Variants in STPG2 observed in about 807,000 individuals in gnomAD.
STPG2 encodes the protein sperm tail PG-rich repeat containing 2.
In STPG2, 56 loss-of-function variants were observed where a neutral mutation model predicts 54.2. The ratio of observed to expected loss-of-function variants is 1.03; its 90% confidence interval spans 0.83 to 1.29. The LOEUF (loss-of-function observed/expected upper bound fraction) is 1.29. Among genes scored for constraint, STPG2 ranks in the 50% most tolerant of loss-of-function variants. STPG2 has a pLI of 0.00. For missense variants in STPG2, 596 were observed against 544.9 expected, an observed-to-expected ratio of 1.09 and a Z score of -0.93; for synonymous variants, 200 against 181.8, an observed-to-expected ratio of 1.10 and a Z score of -0.81.
chr4:97,678,814 C>T (rs560769507), intron 10 of STPG2, among the ~76,000 whole-genome samples: 2 of 147,460 alleles, frequency 1.4e-5, no homozygotes, highest in African/African-American at 5.0e-5. Context: ...TGTGATGTTC[C>T]CCTTCCTGTG....
At chr4:98,030,868 A>G (rs4699584) in intron 5 of STPG2, among the ~76,000 whole-genome samples, 59,934 of 151,956 alleles carry the variant, frequency 0.39, 12,056 homozygotes, top group Middle Eastern at 0.46. Context: ...TTCTTTACAC[A>G]ATGTACAAAA....
At chr4:97,614,446 A>C (rs1405558779) in intron 10 of STPG2, among the ~76,000 whole-genome samples, 1 of 152,110 alleles carries the variant, frequency 6.6e-6, no homozygotes, top group African/African-American at 2.4e-5. Flanking sequence ...TCTCTGGTGA[A>C]GCTTTCCCAG....
intron 8 of STPG2, among the ~76,000 whole-genome samples, chr4:97,910,982 C>T (rs1433434829): frequency 6.6e-6 from 1 of 152,150 alleles, no homozygotes; most frequent in Non-Finnish European, 1.5e-5. Flanking sequence ...ACTACGCAAT[C>T]GGCGTGACCC....
intron 8 of STPG2, among the ~76,000 whole-genome samples, chr4:97,904,005 C>G (rs988338027): frequency 6.6e-6 from 1 of 152,216 alleles, no homozygotes; most frequent in Non-Finnish European, 1.5e-5. Flanking sequence ...AACTGCAAGG[C>G]AGCAGCGAGG....
chr4:97,775,824 C>G (rs1319216851), intron 9 of STPG2, among the ~76,000 whole-genome samples: 1 of 152,176 alleles, frequency 6.6e-6, no homozygotes, highest in Non-Finnish European at 1.5e-5. Flanking sequence ...TTCAGTGGCA[C>G]AGTCTTGGCT....
intron 10 of STPG2, among the ~76,000 whole-genome samples, chr4:97,704,078 A>C (rs1054243730): frequency 6.6e-6 from 1 of 152,004 alleles, no homozygotes; most frequent in Non-Finnish European, 1.5e-5. Flanking sequence ...GATGGTACCC[A>C]CCCAGATTAA....
chr4:97,654,860 C>A (rs1722177539), intron 10 of STPG2, among the ~76,000 whole-genome samples: 1 of 151,782 alleles, frequency 6.6e-6, no homozygotes, highest in South Asian at 2.1e-4. Flanking sequence ...TACATAAATA[C>A]TGTACAGATT....
At chr4:97,993,760 G>A (rs1196550087) in intron 5 of STPG2, among the ~76,000 whole-genome samples, 1 of 151,940 alleles carries the variant, frequency 6.6e-6, no homozygotes, top group East Asian at 1.9e-4. Context: ...TTTCAATCTT[G>A]CTGCTTGTTA....
intron 5 of STPG2, among the ~76,000 whole-genome samples, chr4:98,068,079 C>A (rs1228735996): frequency 1.3e-5 from 2 of 152,010 alleles, no homozygotes; most frequent in African/African-American, 4.8e-5. Flanking sequence ...CTTTTGTATA[C>A]CTCCTTTTTG....
At chr4:97,965,771 G>A (rs1413948881) in intron 7 of STPG2, among the ~76,000 whole-genome samples, 1 of 152,134 alleles carries the variant, frequency 6.6e-6, no homozygotes, top group African/African-American at 2.4e-5. Context: ...TGCAGCTGAG[G>A]GACCTGATTG....
intron 8 of STPG2, among the ~76,000 whole-genome samples, chr4:97,887,141 A>G (rs973380741): frequency 1.3e-5 from 2 of 152,228 alleles, no homozygotes; most frequent in East Asian, 3.8e-4. Context: ...GAACAGACCA[A>G]TACAGAAAAT....
chr4:97,739,951 G>T (rs994194261), intron 9 of STPG2, among the ~76,000 whole-genome samples: 8 of 152,004 alleles, frequency 5.3e-5, no homozygotes, highest in African/African-American at 1.9e-4. Context: ...GAACATTGAT[G>T]CAAAAATCCT....
intron 8 of STPG2, among the ~76,000 whole-genome samples, chr4:97,935,122 G>A (rs1353953678): frequency 2.0e-5 from 3 of 152,146 alleles, no homozygotes; most frequent in African/African-American, 7.2e-5. Context: ...ATTTCTTCTA[G>A]ATTTTCTAGT....
intron 10 of STPG2, among the ~76,000 whole-genome samples, chr4:97,686,975 C>T (rs1254322095): frequency 6.6e-6 from 1 of 150,448 alleles, no homozygotes; most frequent in African/African-American, 2.5e-5. Flanking sequence ...GAGTCTCGCT[C>T]TGTCGCCCAG....
At chr4:97,566,798 T>C (rs540990766) in intron 10 of STPG2, among the ~76,000 whole-genome samples, 3,485 of 147,894 alleles carry the variant, frequency 0.024, 131 homozygotes, top group African/African-American at 0.085. Context: ...AACCAAACAC[T>C]GCATATTCTC....
chr4:97,957,310 T>C (rs1293334643), intron 7 of STPG2, among the ~76,000 whole-genome samples: 2 of 151,554 alleles, frequency 1.3e-5, no homozygotes, highest in Non-Finnish European at 2.9e-5. Flanking sequence ...CAATAGAATG[T>C]AACAAGCAGA....
At chr4:97,805,362 C>A (rs1285140397) in intron 9 of STPG2, among the ~76,000 whole-genome samples, 25 of 152,072 alleles carry the variant, frequency 1.6e-4, no homozygotes, top group Admixed American at 6.6e-5. Context: ...CGCGCACCAC[C>A]ACACCCTGCT....
chr4:97,669,802 C>CAAA (rs1292978345), intron 10 of STPG2, among the ~76,000 whole-genome samples: 1 of 21,774 alleles, frequency 4.6e-5, no homozygotes, highest in Non-Finnish European at 8.3e-5. Context: ...GACTCCGTCT[C>CAAA]AAAAAAAAAA....
intron 9 of STPG2, among the ~76,000 whole-genome samples, chr4:97,796,344 G>A (rs1260720034): frequency 6.6e-6 from 1 of 152,020 alleles, no homozygotes; most frequent in African/African-American, 2.4e-5. Flanking sequence ...GTCTAACATT[G>A]AAGTCTTTAA....
Sources: gnomAD v4.1 joint callset for allele counts (sites outside exome capture counted in the v4.1 genomes callset) on GRCh38, gnomAD v4.1.1 for gene constraint, MANE v1.5 for transcripts, NCBI Gene and HGNC (gene_info 2026-07-23, HGNC 2026-07-21) for gene names.